The following GHR variants were observed in gnomAD, a reference collection of about 807,000 sequenced individuals.
GHR encodes GH receptor.
A neutral mutation model predicts 67.1 loss-of-function variants in GHR; 35 were observed. That is an observed-to-expected ratio of 0.52 (90% CI 0.40 to 0.69). The LOEUF (loss-of-function observed/expected upper bound fraction) is 0.69. Among genes scored for constraint, GHR ranks in the 30% least tolerant of loss-of-function variants. The pLI, the probability that GHR is intolerant of heterozygous loss-of-function variation, is 0.00. For synonymous variants in GHR, 272 were observed against 269.1 expected (o/e 1.01, Z -0.10); for missense variants, 792 against 764.6 (o/e 1.04, Z -0.42).
intron 1 of GHR, chr5:42,467,324 G>A (rs1437450918): frequency 1.4e-5 from 15 of 1,081,798 alleles, no homozygotes; most frequent in Admixed American, 6.8e-5. Context: ...GTATGGCTTC[G>A]CTGATGTACA....
At chr5:42,468,177 C>T in intron 1 of GHR, 1 of 1,388,474 alleles carries the variant, frequency 7.2e-7, no homozygotes. Context: ...GACGAAACTC[C>T]CCTGGGGCCC....
chr5:42,614,559 ATTTTTTTTTTTTTTTTTTTTT>A (rs553365880), intron 2 of GHR, among the ~76,000 whole-genome samples: 1 of 65,382 alleles, frequency 1.5e-5, no homozygotes, highest in African/African-American at 6.3e-5. Context: ...CATAGAGGAC[ATTTTTTTTTTTTTTTTTTTTT>A]TTTTTTTTTT....
At chr5:42,663,894 A>T (rs1047610075) in intron 3 of GHR, among the ~76,000 whole-genome samples, 3 of 152,248 alleles carry the variant, frequency 2.0e-5, no homozygotes, top group African/African-American at 7.2e-5. Context: ...AACTTCAGCA[A>T]AGTCTCAGGA....
In GHR at chr5:42,525,749, C is replaced by T. The variant is rs190120894; in HGVS notation, c.-11-40115C>T. Among the ~76,000 whole-genome samples the T allele has an allele frequency of 2.0e-4, 31 of 152,202 alleles. No individual in the cohort carries two copies. The South Asian group carries it at 3.7e-3, about 18-fold the overall frequency. On this transcript the variant is annotated intron_variant, in intron 1 of 9. Coordinates refer to ENST00000230882, the MANE Select transcript of GHR (RefSeq NM_000163.5). ...GGGGGAGGTAATTGAATCATGGGGG[C>T]CAGTCTTTCCTGTGCTGTTCTCATG...
chr5:42,558,755 C>T (rs1749445050), intron 1 of GHR, among the ~76,000 whole-genome samples: 1 of 152,176 alleles, frequency 6.6e-6, no homozygotes, highest in African/African-American at 2.4e-5. Context: ...GTGGTGTTCA[C>T]AGAACCATGG....
chr5:42,604,540 T>C (rs1027258167), intron 2 of GHR, among the ~76,000 whole-genome samples: 4 of 152,132 alleles, frequency 2.6e-5, no homozygotes, highest in African/African-American at 9.7e-5. Flanking sequence ...GCCTGCCTTA[T>C]GGAGAAAAAG....
At chr5:42,501,977 C>CG (rs1579827043) in intron 1 of GHR, among the ~76,000 whole-genome samples, 1 of 152,120 alleles carries the variant, frequency 6.6e-6, no homozygotes, top group East Asian at 1.9e-4. Flanking sequence ...TCTAGAAGTG[C>CG]GGGTCATCAT....
chr5:42,602,813 C>T (rs1023433821), intron 2 of GHR, among the ~76,000 whole-genome samples: 1 of 152,136 alleles, frequency 6.6e-6, no homozygotes, highest in African/African-American at 2.4e-5. Flanking sequence ...CTACTAATAT[C>T]CCAATGTACA....
intron 1 of GHR, among the ~76,000 whole-genome samples, chr5:42,491,451 A>G (rs947427654): frequency 1.9e-4 from 29 of 152,174 alleles, no homozygotes; most frequent in Admixed American, 8.5e-4. Flanking sequence ...TTCAAATCCT[A>G]CTTCTCCTAA....
chr5:42,671,809 A>T (rs947468326), intron 3 of GHR, among the ~76,000 whole-genome samples: 24 of 151,850 alleles, frequency 1.6e-4, no homozygotes, highest in African/African-American at 5.8e-4. Context: ...ACAAAAAATT[A>T]GCCGGGCGTA....
At chr5:42,461,944 C>A (rs1452861809) in intron 1 of GHR, among the ~76,000 whole-genome samples, 1 of 152,192 alleles carries the variant, frequency 6.6e-6, no homozygotes, top group African/African-American at 2.4e-5. Flanking sequence ...CTCTGGCAGA[C>A]CCCTCCAAGT....
intron 3 of GHR, among the ~76,000 whole-genome samples, chr5:42,635,810 C>T (rs1246440995): frequency 2.6e-5 from 4 of 152,084 alleles, no homozygotes; most frequent in Non-Finnish European, 4.4e-5. Context: ...TGGTTGTAAA[C>T]ATATACTGAG....
At chr5:42,547,539 T>C (rs959985821) in intron 1 of GHR, among the ~76,000 whole-genome samples, 3 of 152,200 alleles carry the variant, frequency 2.0e-5, no homozygotes, top group African/African-American at 7.2e-5. Flanking sequence ...TACCTTTTAG[T>C]TGACTTGTGA....
intron 1 of GHR, among the ~76,000 whole-genome samples, chr5:42,535,923 C>T (rs1156600510): frequency 6.6e-6 from 1 of 151,872 alleles, no homozygotes; most frequent in Non-Finnish European, 1.5e-5. Flanking sequence ...TTTTTGGCAG[C>T]AATTGTAAAA....
chr5:42,439,939 T>A (rs1002058052), intron 1 of GHR, among the ~76,000 whole-genome samples: 1 of 152,204 alleles, frequency 6.6e-6, no homozygotes, highest in Non-Finnish European at 1.5e-5. Flanking sequence ...CTCAAAACAT[T>A]TTTTATATTG....
chr5:42,607,569 G>C lies in GHR; in HGVS notation c.71-21469G>C, dbSNP rs148584015. On this transcript the variant is annotated intron_variant, in intron 2 of 9. Coordinates refer to ENST00000230882, the MANE Select transcript of GHR (RefSeq NM_000163.5). ...GACACAAAATAACAGCAAATAACAA[G>C]GCAACATAATCAGTTGCTACATGTT... Among the ~76,000 whole-genome samples, 1,510 of 152,266 alleles carry C rather than the reference G, an allele frequency of 9.9e-3. 7 individuals carry two copies. The highest frequency in any genetic ancestry group is 0.016 in the Non-Finnish European group (1,058 of 68,018).
chr5:42,547,874 T>C (rs1396347993), intron 1 of GHR, among the ~76,000 whole-genome samples: 1 of 152,228 alleles, frequency 6.6e-6, no homozygotes, highest in African/African-American at 2.4e-5. Flanking sequence ...CAATGTGCTA[T>C]CTTCTGGGCA....
At chr5:42,521,242 GC>G (rs1326388632) in intron 1 of GHR, among the ~76,000 whole-genome samples, 1 of 152,160 alleles carries the variant, frequency 6.6e-6, no homozygotes, top group African/African-American at 2.4e-5. Context: ...TCTTGAGGGT[GC>G]CTTTGCCTTG....
chr5:42,582,842 G>A (rs1156265820), intron 2 of GHR, among the ~76,000 whole-genome samples: 2 of 152,238 alleles, frequency 1.3e-5, no homozygotes, highest in Non-Finnish European at 2.9e-5. Flanking sequence ...GGCTTGCATG[G>A]AGCTGGTGCC....
Sources: gnomAD v4.1 joint callset for allele counts (sites outside exome capture counted in the v4.1 genomes callset) on GRCh38, gnomAD v4.1.1 for gene constraint, MANE v1.5 for transcripts, NCBI Gene and HGNC (gene_info 2026-07-23, HGNC 2026-07-21) for gene names.